MACROD2: variants seen among roughly 807,000 people sequenced by gnomAD.
MACROD2 encodes mono-ADP ribosylhydrolase 2.
A neutral mutation model predicts 70.4 loss-of-function variants in MACROD2; 36 were observed. The ratio of observed to expected loss-of-function variants is 0.51; its 90% CI spans 0.39 to 0.68. The LOEUF is 0.68. MACROD2 is among the 30% of genes least tolerant of loss of function. The probability of loss-of-function intolerance (pLI) is 0.00; values close to 1 mark genes in which losing one functional copy is unlikely to be tolerated. For missense variants in MACROD2, 496 were observed against 538.4 expected, an observed-to-expected ratio of 0.92 and a Z score of 0.78; for synonymous variants, 172 against 178.8, an observed-to-expected ratio of 0.96 and a Z score of 0.30.
intron 5 of MACROD2, among the ~76,000 whole-genome samples, chr20:14,786,973 C>G (rs1389387599): frequency 6.6e-6 from 1 of 152,048 alleles, no homozygotes; most frequent in Non-Finnish European, 1.5e-5. Context: ...TTCAAATGAT[C>G]ATAGGCAATT....
intron 5 of MACROD2, among the ~76,000 whole-genome samples, chr20:14,985,417 G>A (rs2074839630): frequency 6.6e-6 from 1 of 152,154 alleles, no homozygotes; most frequent in Non-Finnish European, 1.5e-5. Flanking sequence ...TTCTAGTGGA[G>A]TGATCATTTG....
chr20:14,502,740 A>G (rs1274239502), intron 4 of MACROD2, among the ~76,000 whole-genome samples: 1 of 152,236 alleles, frequency 6.6e-6, no homozygotes, highest in Non-Finnish European at 1.5e-5. Flanking sequence ...ATTGTTGGAT[A>G]ACACAAATCC....
chr20:15,322,034 G>T (rs953250267), intron 6 of MACROD2, among the ~76,000 whole-genome samples: 3 of 143,430 alleles, frequency 2.1e-5, no homozygotes, highest in African/African-American at 7.5e-5. Flanking sequence ...CTTGTGATCT[G>T]CCCGCCTCGG....
At chr20:15,166,470 C>A (rs1398236391) in intron 5 of MACROD2, among the ~76,000 whole-genome samples, 1 of 152,114 alleles carries the variant, frequency 6.6e-6, no homozygotes, top group African/African-American at 2.4e-5. Flanking sequence ...TCTCTTCCAG[C>A]CTGAAGAATG....
chr20:14,731,939 T>G (rs558015305), intron 5 of MACROD2, among the ~76,000 whole-genome samples: 2 of 152,330 alleles, frequency 1.3e-5, no homozygotes, highest in Non-Finnish European at 2.9e-5. Flanking sequence ...TATTTTTATA[T>G]GTTAATTTAT....
Position 14,571,410 on chromosome 20 carries a change from A to G in MACROD2, c.301+77902A>G, listed in dbSNP as rs111239675. 1.2e-3 allele frequency among the ~76,000 whole-genome samples: 187 copies of G among 152,102 alleles called. 2 individuals carry two copies. The highest frequency in any genetic ancestry group is 4.3e-3 in the African/African-American group (180 of 41,544). On this transcript the variant is annotated intron_variant, in intron 4 of 17. Coordinates refer to ENST00000684519, the MANE Select transcript of MACROD2 (RefSeq NM_001351661.2). ...GATGATTAAAGTTATTTTTAGTTTT[A>G]TTATAATCATGGTTGGAAATTAACC...
At chr20:15,950,381 G>A (rs939070766) in intron 12 of MACROD2, among the ~76,000 whole-genome samples, 5 of 152,286 alleles carry the variant, frequency 3.3e-5, no homozygotes, top group South Asian at 2.1e-4. Flanking sequence ...GGATGAGGAA[G>A]GAGGGTGTGT....
chr20:14,244,926 T>C (rs1483761664), intron 3 of MACROD2, among the ~76,000 whole-genome samples: 1 of 152,238 alleles, frequency 6.6e-6, no homozygotes, highest in Non-Finnish European at 1.5e-5. Flanking sequence ...AGTTGTTGTT[T>C]GGTAAACATT....
chr20:14,307,515 AAAAT>A (rs1164850420), intron 3 of MACROD2, among the ~76,000 whole-genome samples: 1 of 152,146 alleles, frequency 6.6e-6, no homozygotes, highest in African/African-American at 2.4e-5. Context: ...GGCAAAGTCT[AAAAT>A]AACAATTGTA....
intron 2 of MACROD2, among the ~76,000 whole-genome samples, chr20:14,080,897 G>C (rs1357198050): frequency 6.6e-6 from 1 of 152,114 alleles, no homozygotes; most frequent in Non-Finnish European, 1.5e-5. Flanking sequence ...GTACCACTTG[G>C]TATAAGCTGA....
In MACROD2 at chr20:15,393,040, C is replaced by T. The variant is rs142641554; in HGVS notation, c.541-38365C>T. 2.4e-3 allele frequency among the ~76,000 whole-genome samples: 357 copies of T among 151,876 alleles called. 1 individual carries two copies. The highest frequency in any genetic ancestry group is 8.0e-3 in the African/African-American group (330 of 41,402). On this transcript the variant is annotated intron_variant, in intron 6 of 17. Transcript: ENST00000684519. ...GCCAGGTGAGCAACCCATGTCCGCACGCCTCCACTCTCATTTCTTGTCTGG... is the reference window on the plus strand; with the variant it reads ...GCCAGGTGAGCAACCCATGTCCGCATGCCTCCACTCTCATTTCTTGTCTGG...
intron 4 of MACROD2, among the ~76,000 whole-genome samples, chr20:14,579,593 T>C (rs1980871674): frequency 1.3e-5 from 2 of 152,246 alleles, no homozygotes; most frequent in Non-Finnish European, 2.9e-5. Context: ...GATTATCACA[T>C]TTTGTTCTTA....
intron 5 of MACROD2, among the ~76,000 whole-genome samples, chr20:14,779,358 G>A (rs1209291245): frequency 6.6e-6 from 1 of 152,040 alleles, no homozygotes; most frequent in African/African-American, 2.4e-5. Context: ...AAAGGTAATT[G>A]CAGTGACTGT....
intron 10 of MACROD2, among the ~76,000 whole-genome samples, chr20:15,888,434 G>T (rs1216409077): frequency 2.0e-5 from 3 of 152,102 alleles, no homozygotes; most frequent in Non-Finnish European, 4.4e-5. Flanking sequence ...CAAGCACCCG[G>T]TATAAGGGCC....
chr20:15,941,111 T>C (rs1311356363), intron 12 of MACROD2, among the ~76,000 whole-genome samples: 1 of 152,192 alleles, frequency 6.6e-6, no homozygotes, highest in Admixed American at 6.5e-5. Context: ...AGGATCCATG[T>C]TTTGGAATAC....
At chr20:16,036,496 A>G (rs2067238342) in intron 15 of MACROD2, among the ~76,000 whole-genome samples, 1 of 151,584 alleles carries the variant, frequency 6.6e-6, no homozygotes, top group South Asian at 2.1e-4. Flanking sequence ...AATGTCCCAG[A>G]CTTTTTCTAT....
At chr20:15,376,110 G>A (rs2045559101) in intron 6 of MACROD2, among the ~76,000 whole-genome samples, 1 of 152,168 alleles carries the variant, frequency 6.6e-6, no homozygotes, top group Admixed American at 6.5e-5. Context: ...AGCAGGTTAA[G>A]AGGTTAAGAG....
chr20:15,801,960 G>T (rs1486445734), intron 8 of MACROD2, among the ~76,000 whole-genome samples: 1 of 151,716 alleles, frequency 6.6e-6, no homozygotes, highest in Non-Finnish European at 1.5e-5. Flanking sequence ...TATTTTATTG[G>T]CTATTATAAA....
chr20:15,959,639 C>T lies in MACROD2; in HGVS notation c.908-7914C>T, dbSNP rs188862133. Reference sequence around the variant, plus strand: ...CCGCCTCCTGGGTTCAAGCGATTCTCCTGTCTCAGCCTCCCAAGTAGCTGG... The same window carrying T: ...CCGCCTCCTGGGTTCAAGCGATTCTTCTGTCTCAGCCTCCCAAGTAGCTGG... On this transcript the variant is annotated intron_variant, in intron 12 of 17. Coordinates refer to ENST00000684519, the MANE Select transcript of MACROD2 (RefSeq NM_001351661.2). 4.7e-3 allele frequency among the ~76,000 whole-genome samples: 716 copies of T among 152,310 alleles called. 5 individuals carry two copies. Among genetic ancestry groups the T allele is most frequent in the African/African-American group, 0.016 (683 of 41,570 alleles).
Sources: allele counts gnomAD v4.1 joint callset (sites outside exome capture counted in the v4.1 genomes callset), GRCh38; gene constraint gnomAD v4.1.1; transcripts MANE v1.5; gene names NCBI Gene and HGNC (gene_info 2026-07-23, HGNC 2026-07-21).